The following RANBP2 variants were observed in gnomAD, a reference collection of about 807,000 sequenced individuals.
The protein encoded by RANBP2 is RAN binding protein 2, also known as E3 SUMO-protein ligase RanBP2.
A neutral mutation model predicts 303.6 loss-of-function variants in RANBP2; 57 were observed. That is an observed-to-expected ratio of 0.19 (90% CI 0.15 to 0.23). RANBP2 has a LOEUF of 0.23. Among genes scored for constraint, RANBP2 ranks in the 10% least tolerant of loss-of-function variants. The pLI, the probability that RANBP2 is intolerant of heterozygous loss-of-function variation, is 1.00. For missense variants in RANBP2, 3,138 were observed against 3,780.8 expected, an observed-to-expected ratio of 0.83 and a Z score of 4.46; for synonymous variants, 1,167 against 1,301.5, an observed-to-expected ratio of 0.90 and a Z score of 2.23.
the RANBP2 span, among the ~76,000 whole-genome samples, chr2:109,377,827 T>C: frequency 6.6e-6 from 1 of 152,150 alleles, no homozygotes; most frequent in Admixed American, 6.5e-5. Context: ...TCCTTGTCAC[T>C]TTATCTTTTA....
the RANBP2 span, among the ~76,000 whole-genome samples, chr2:108,828,416 A>G: frequency 7.2e-5 from 11 of 152,334 alleles, no homozygotes; most frequent in East Asian, 1.2e-3. Context: ...CATAAAAAGA[A>G]CAAAGTTAGA....
Position 108,764,827 on chromosome 2 carries a change from C to T in RANBP2, c.4288C>T (p.Pro1430Ser), listed in dbSNP as rs1437609648. 1.2e-6 allele frequency: 2 copies of T among 1,614,028 alleles called. No individual in the cohort carries two copies. Among genetic ancestry groups the T allele is most frequent in the South Asian group, 2.2e-5 (2 of 91,080 alleles). Reference protein sequence around the residue: ...DCSICLVRNEPTVSRCIACQN... With the variant: ...DCSICLVRNESTVSRCIACQN... ...TAGTATTTGTTTAGTAAGAAATGAA[C>T]CTACTGTATCTAGGTGCATTGCGTG... Residue 1430 changes from proline (P) to serine (S), a missense_variant, in exon 20 of 29, where the codon CCT (proline) becomes TCT (serine). Coordinates refer to ENST00000283195, the MANE Select transcript of RANBP2 (RefSeq NM_006267.5).
the RANBP2 span, among the ~76,000 whole-genome samples, chr2:109,666,027 C>T: frequency 6.6e-6 from 1 of 151,770 alleles, no homozygotes; most frequent in East Asian, 1.9e-4. Context: ...AGGAGAATTG[C>T]TTGAACCTGG....
At chr2:109,614,373 G>C in the RANBP2 span, 1 of 857,672 alleles carries the variant, frequency 1.2e-6, no homozygotes, top group Non-Finnish European at 1.5e-6. Context: ...CAGACGCGTA[G>C]GCTGGCAGCC....
the RANBP2 span, among the ~76,000 whole-genome samples, chr2:109,222,886 C>T: frequency 6.6e-6 from 1 of 152,252 alleles, no homozygotes; most frequent in Non-Finnish European, 1.5e-5. Context: ...CCAAGGTGTC[C>T]GCGTGTATCC....
the RANBP2 span, among the ~76,000 whole-genome samples, chr2:109,231,726 T>A: frequency 6.6e-6 from 1 of 152,238 alleles, no homozygotes; most frequent in East Asian, 1.9e-4. Context: ...TTACCGTGCA[T>A]GCTAAAAGAG....
the RANBP2 span, among the ~76,000 whole-genome samples, chr2:109,524,381 A>G: frequency 0.046 from 6,816 of 149,658 alleles, 544 homozygotes; most frequent in African/African-American, 0.16. Context: ...AAGCAGCCAT[A>G]ACACGCTCTG....
chr2:109,527,064 T>A, the RANBP2 span, among the ~76,000 whole-genome samples: 1 of 152,072 alleles, frequency 6.6e-6, no homozygotes, highest in African/African-American at 2.4e-5. Flanking sequence ...CTTATAGAAA[T>A]AATGGATTTT....
the RANBP2 span, among the ~76,000 whole-genome samples, chr2:109,421,264 C>T: frequency 1.3e-5 from 2 of 152,242 alleles, no homozygotes; most frequent in Non-Finnish European, 2.9e-5. Context: ...GCCATGAGTG[C>T]TTCAAGGGCA....
chr2:109,176,098 T>C, the RANBP2 span, among the ~76,000 whole-genome samples: 34 of 152,222 alleles, frequency 2.2e-4, no homozygotes, highest in Non-Finnish European at 4.0e-4. Context: ...AGCCTCATTC[T>C]GTCCACCTGC....
chr2:109,153,511 G>C, the RANBP2 span, among the ~76,000 whole-genome samples: 1 of 152,222 alleles, frequency 6.6e-6, no homozygotes, highest in Non-Finnish European at 1.5e-5. Flanking sequence ...AAGGTCAAAA[G>C]CAGAGGAAGC....
chr2:109,682,302 A>G, the RANBP2 span, among the ~76,000 whole-genome samples: 22 of 152,214 alleles, frequency 1.4e-4, no homozygotes, highest in African/African-American at 5.1e-4. Context: ...ATGTTTTAGT[A>G]TAAGTATTTC....
the RANBP2 span, among the ~76,000 whole-genome samples, chr2:108,986,850 G>A: frequency 3.3e-5 from 5 of 152,160 alleles, no homozygotes; most frequent in South Asian, 4.1e-4. Flanking sequence ...AGATGGAGGC[G>A]GCATACTCAC....
At chr2:109,564,496 C>T in the RANBP2 span, 1 of 1,561,806 alleles carries the variant, frequency 6.4e-7, no homozygotes, top group Non-Finnish European at 8.7e-7. Flanking sequence ...ATGAGCATTT[C>T]CCGCAGCTTT....
At chr2:108,776,075 GTAA>G (rs1261748499) in intron 24 of RANBP2, 139 bp downstream of exon 24, 3 of 677,088 alleles carry the variant, frequency 4.4e-6, no homozygotes, top group Non-Finnish European at 7.5e-6. Context: ...AGTAGTAGTA[GTAA>G]TAATAACCAG....
the RANBP2 span, among the ~76,000 whole-genome samples, chr2:108,877,603 A>AG: frequency 1.8e-4 from 3 of 16,846 alleles, no homozygotes; most frequent in South Asian, 2.8e-3. Flanking sequence ...GTATATAGAG[A>AG]TAGTACTCAT....
At chr2:109,626,457 A>G in the RANBP2 span, among the ~76,000 whole-genome samples, 4 of 151,518 alleles carry the variant, frequency 2.6e-5, no homozygotes, top group Non-Finnish European at 4.4e-5. Context: ...CAAAAGAGTG[A>G]GACTCCATCT....
the RANBP2 span, among the ~76,000 whole-genome samples, chr2:108,894,118 A>G: frequency 6.6e-6 from 1 of 151,828 alleles, no homozygotes; most frequent in South Asian, 2.1e-4. Context: ...CCCCCTACTA[A>G]CCCCCGAGCT....
chr2:109,461,872 G>C, the RANBP2 span, among the ~76,000 whole-genome samples: 1 of 152,076 alleles, frequency 6.6e-6, no homozygotes, highest in Non-Finnish European at 1.5e-5. Context: ...TTAATAAATA[G>C]GCCAAATTAA....
Sources: gnomAD v4.1 joint callset for allele counts (sites outside exome capture counted in the v4.1 genomes callset) on GRCh38, gnomAD v4.1.1 for gene constraint, MANE v1.5 for transcripts, NCBI Gene and HGNC (gene_info 2026-07-23, HGNC 2026-07-21) for gene names.